The following INPP4B variants were observed in gnomAD, a reference collection of about 807,000 sequenced individuals.
The protein encoded by INPP4B is inositol polyphosphate 4-phosphatase type II.
INPP4B carries 55 observed loss-of-function variants against 122.5 expected under a neutral mutation model. The ratio of observed to expected loss-of-function variants is 0.45; its 90% CI spans 0.36 to 0.56. The LOEUF (loss-of-function observed/expected upper bound fraction) is 0.56, where lower values mean the gene tolerates loss of function less well. Ranked by LOEUF, INPP4B falls within the 20% of genes least tolerant of loss-of-function variation. The pLI is 0.00. For synonymous variants in INPP4B, 403 were observed against 388.7 expected (o/e 1.04, Z -0.43); for missense variants, 1,000 against 1,097.7 (o/e 0.91, Z 1.26).
intron 15 of INPP4B, among the ~76,000 whole-genome samples, chr4:142,191,940 T>C (rs140052857): frequency 2.4e-3 from 363 of 152,248 alleles, no homozygotes; most frequent in African/African-American, 7.8e-3. Flanking sequence ...AGTAAGTCAA[T>C]TATTCAATTC....
At chr4:142,733,606 T>C (rs1287678606) in intron 1 of INPP4B, among the ~76,000 whole-genome samples, 1 of 151,978 alleles carries the variant, frequency 6.6e-6, no homozygotes, top group Non-Finnish European at 1.5e-5. Context: ...TGAGGCTGAA[T>C]TAAAAAAAAA....
At chr4:142,259,593 AAATAAT>A (rs71957973) in intron 11 of INPP4B, among the ~76,000 whole-genome samples, 8 of 149,954 alleles carry the variant, frequency 5.3e-5, no homozygotes, top group Non-Finnish European at 8.9e-5. Flanking sequence ...AAAAAATATA[AAATAAT>A]AATAATAATA....
At chr4:142,327,335 T>C (rs1232684900) in intron 7 of INPP4B, among the ~76,000 whole-genome samples, 3 of 152,082 alleles carry the variant, frequency 2.0e-5, no homozygotes, top group Non-Finnish European at 2.9e-5. Context: ...TTCCAGATCA[T>C]TGACAACCTG....
intron 3 of INPP4B, among the ~76,000 whole-genome samples, chr4:142,449,304 G>A (rs115113614): frequency 0.018 from 2,691 of 152,230 alleles, 82 homozygotes; most frequent in African/African-American, 0.06. Flanking sequence ...GTTTGTAAGC[G>A]TATTGACACT....
At chr4:142,773,492 C>T (rs1329469717) in intron 1 of INPP4B, among the ~76,000 whole-genome samples, 1 of 152,164 alleles carries the variant, frequency 6.6e-6, no homozygotes, top group East Asian at 1.9e-4. Context: ...TACACACACA[C>T]ATTACTCTCT....
chr4:142,085,136 G>A (rs1028835900), intron 24 of INPP4B, among the ~76,000 whole-genome samples: 4 of 152,168 alleles, frequency 2.6e-5, no homozygotes, highest in Non-Finnish European at 4.4e-5. Context: ...AAGAAGGCAG[G>A]AAGGGAAACT....
chr4:142,332,691 A>G (rs1013194368), intron 7 of INPP4B, among the ~76,000 whole-genome samples: 5 of 151,992 alleles, frequency 3.3e-5, no homozygotes, highest in African/African-American at 1.2e-4. Flanking sequence ...GTGCCTAGAC[A>G]ATGCTTTCTT....
intron 2 of INPP4B, among the ~76,000 whole-genome samples, chr4:142,464,875 C>T (rs1196768199): frequency 2.0e-5 from 3 of 152,066 alleles, no homozygotes; most frequent in African/African-American, 7.2e-5. Flanking sequence ...TCAAATCCAC[C>T]CAAATCTAAG....
At chr4:142,733,444 A>T (rs2150888869) in intron 1 of INPP4B, among the ~76,000 whole-genome samples, 1 of 152,298 alleles carries the variant, frequency 6.6e-6, no homozygotes, top group Admixed American at 6.5e-5. Context: ...AAATGAGACA[A>T]CTGAATAGAA....
chr4:142,605,542 C>T (rs540421531), intron 2 of INPP4B, among the ~76,000 whole-genome samples: 1 of 151,958 alleles, frequency 6.6e-6, no homozygotes, highest in East Asian at 1.9e-4. Context: ...CAGGGGACTG[C>T]TCTTCAAAAT....
In INPP4B at chr4:142,145,877, T is replaced by C; in HGVS notation, c.1683A>G (p.Glu561=). The C allele has an allele frequency of 2.5e-6, 4 of 1,613,786 alleles. No individual in the cohort carries two copies. The highest frequency in any genetic ancestry group is 3.4e-6 in the Non-Finnish European group (4 of 1,179,778). ...GSGGNNDGEK[E]PSLTDAIPSH... is the part of the protein sequence containing the mutation. ...AGGGAATGGCATCTGTTAATGAAGG[T>C]TCCTTTTCTCCATCATTGTTGCCGC... is the stretch of plus-strand genomic sequence containing the variant. The change falls in exon 18 of 26, where the codon GAA becomes GAG. Residue 561 remains glutamate (E), a synonymous_variant. Coordinates refer to ENST00000262992, the MANE Select transcript of INPP4B (RefSeq NM_001101669.3).
chr4:142,245,842 ATGTG>A (rs1194094238), intron 11 of INPP4B, among the ~76,000 whole-genome samples: 1 of 91,636 alleles, frequency 1.1e-5, no homozygotes, highest in African/African-American at 3.5e-5. Context: ...ATACATATAT[ATGTG>A]TATGTATACA....
intron 11 of INPP4B, among the ~76,000 whole-genome samples, chr4:142,250,709 T>C (rs1427815494): frequency 6.6e-6 from 1 of 152,174 alleles, no homozygotes; most frequent in Non-Finnish European, 1.5e-5. Flanking sequence ...TTGACTTTCA[T>C]TTAGTCTCAT....
chr4:142,334,691 C>T (rs1775932210), intron 7 of INPP4B, among the ~76,000 whole-genome samples: 1 of 152,098 alleles, frequency 6.6e-6, no homozygotes, highest in African/African-American at 2.4e-5. Flanking sequence ...ATTTGCATTT[C>T]CCTGTTGTCA....
chr4:142,464,288 A>G (rs991940792), intron 2 of INPP4B, among the ~76,000 whole-genome samples: 1 of 152,186 alleles, frequency 6.6e-6, no homozygotes, highest in African/African-American at 2.4e-5. Flanking sequence ...ACTATCTTTT[A>G]TAAAATGATT....
chr4:142,565,461 C>T (rs6835316), intron 2 of INPP4B, among the ~76,000 whole-genome samples: 4,532 of 152,110 alleles, frequency 0.03, 188 homozygotes, highest in African/African-American at 0.091. Flanking sequence ...TGTACTAACA[C>T]AAATAAGTGA....
At chr4:142,779,295 G>A (rs1313913975) in intron 1 of INPP4B, among the ~76,000 whole-genome samples, 1 of 151,882 alleles carries the variant, frequency 6.6e-6, no homozygotes, top group East Asian at 1.9e-4. Context: ...GGGTATCCTA[G>A]GACCCCAAAC....
intron 9 of INPP4B, among the ~76,000 whole-genome samples, chr4:142,294,630 C>G (rs1757789617): frequency 6.6e-6 from 1 of 151,462 alleles, no homozygotes; most frequent in Admixed American, 6.6e-5. Flanking sequence ...GCTCAAAAAG[C>G]ATGAGAATAG....
chr4:142,567,989 G>A (rs981566580), intron 2 of INPP4B, among the ~76,000 whole-genome samples: 17 of 152,134 alleles, frequency 1.1e-4, no homozygotes, highest in African/African-American at 4.1e-4. Context: ...AATAAGAGCT[G>A]AATGCTTTGG....
Sources: gnomAD v4.1 joint callset for allele counts (sites outside exome capture counted in the v4.1 genomes callset) on GRCh38, gnomAD v4.1.1 for gene constraint, MANE v1.5 for transcripts, NCBI Gene and HGNC (gene_info 2026-07-23, HGNC 2026-07-21) for gene names.